Variants in FRYL observed in about 807,000 individuals in gnomAD.
The protein encoded by FRYL is FRY like transcription coactivator, also known as protein furry homolog-like.
In FRYL, 150 loss-of-function variants were observed where a neutral mutation model predicts 351.2. The ratio of observed to expected loss-of-function variants is 0.43; its 90% CI spans 0.37 to 0.49. The LOEUF (loss-of-function observed/expected upper bound fraction) is 0.49, where lower values mean the gene tolerates loss of function less well. Among genes scored for constraint, FRYL ranks in the 20% least tolerant of loss-of-function variants. The probability of loss-of-function intolerance (pLI) is 0.00; values close to 1 mark genes in which losing one functional copy is unlikely to be tolerated. For missense variants in FRYL, 3,036 were observed against 3,619.3 expected (o/e 0.84, Z 4.13); for synonymous variants, 1,153 against 1,257.1 (o/e 0.92, Z 1.75).
At chr4:48,586,597 T>A in intron 19 of FRYL, 24 bp downstream of exon 19, 1 of 1,459,082 alleles carries the variant, frequency 6.9e-7, no homozygotes, top group Non-Finnish European at 9.6e-7. Flanking sequence ...TAAAACAATA[T>A]AGCAAACAGT....
chr4:48,551,695 T>TA (rs563048995), intron 36 of FRYL, 117 bp from the exon 37 acceptor site: 49 of 649,906 alleles, frequency 7.5e-5, no homozygotes, highest in Admixed American at 3.0e-4. Flanking sequence ...CAAAGTCATT[T>TA]AAAAAAAGGA....
Position 48,620,680 on chromosome 4 carries a change from T to G in FRYL, c.273A>C (p.Glu91Asp), listed in dbSNP as rs1750486225. The part of the protein sequence containing the change: ...WYRRQNGTED[E>D]SYEYRPRSST... ...TAGACCGAGGCCTATATTCATAAGA[T>G]TCATCTTCCGTTCCATTTTGGCGTC... The change falls in exon 6 of 64, where the codon GAA becomes GAC. Residue 91 changes from glutamate (E) to aspartate (D), a missense_variant. Physicochemically the swap from Glu to Asp is conservative, Grantham distance 45. Coordinates refer to ENST00000358350, the MANE Select transcript of FRYL (RefSeq NM_015030.2). 6.2e-7 allele frequency: 1 copy of G among 1,613,960 alleles called. No homozygotes were observed. Among genetic ancestry groups the G allele is most frequent in the East Asian group, 2.2e-5 (1 of 44,880 alleles).
At chr4:48,744,358 G>C (rs1772436329) in intron 1 of FRYL, among the ~76,000 whole-genome samples, 1 of 151,788 alleles carries the variant, frequency 6.6e-6, no homozygotes, top group Non-Finnish European at 1.5e-5. Flanking sequence ...GAGAGAGGAA[G>C]AAAAGAAGGA....
chr4:48,598,457 GCAA>G (rs924362081), intron 13 of FRYL, among the ~76,000 whole-genome samples: 10 of 151,928 alleles, frequency 6.6e-5, no homozygotes, highest in African/African-American at 1.7e-4. Flanking sequence ...AAAAATAACA[GCAA>G]CAACAACAAC....
At chr4:48,535,878 T>C in intron 47 of FRYL, 51 bp from the exon 48 acceptor site, 1 of 1,308,522 alleles carries the variant, frequency 7.6e-7, no homozygotes, top group Non-Finnish European at 1.0e-6. Flanking sequence ...GACACAAGTT[T>C]AACTTGATTT....
In FRYL at chr4:48,531,200, C is replaced by T. The variant is rs749862210; in HGVS notation, c.6859G>A (p.Glu2287Lys). 6.2e-7 allele frequency: 1 copy of T among 1,612,026 alleles called. No homozygotes were observed. The highest frequency in any genetic ancestry group is 1.3e-5 in the African/African-American group (1 of 74,850). ...FTKIFNNVSK[E>K]LPGKTLDFHF... ...AAATCTAAGGTCTTCCCAGGCAACT[C>T]CTTAGAAACATTATTAAAAATTTTA... Residue 2287 changes from glutamate to lysine, a missense_variant, in exon 50 of 64, where the codon GAG becomes AAG. Coordinates refer to ENST00000358350, the MANE Select transcript of FRYL (RefSeq NM_015030.2).
At chr4:48,765,775 G>A (rs1387433232) in intron 1 of FRYL, among the ~76,000 whole-genome samples, 3 of 151,946 alleles carry the variant, frequency 2.0e-5, no homozygotes. Flanking sequence ...GAATATATAA[G>A]GAATTCATAC....
intron 23 of FRYL, 105 bp from the exon 24 acceptor site, chr4:48,576,327 A>T: frequency 1.2e-6 from 1 of 867,036 alleles, no homozygotes; most frequent in Non-Finnish European, 1.7e-6. Context: ...TTTGAGACAG[A>T]GTGTCACTCT....
intron 55 of FRYL, among the ~76,000 whole-genome samples, chr4:48,516,224 T>C (rs1723561464): frequency 1.3e-5 from 2 of 152,188 alleles, no homozygotes; most frequent in South Asian, 2.1e-4. Context: ...TTCTCCTCAT[T>C]TGAAGTAAAC....
intron 2 of FRYL, among the ~76,000 whole-genome samples, chr4:48,703,581 A>C (rs1456833238): frequency 6.6e-6 from 1 of 152,180 alleles, no homozygotes; most frequent in Non-Finnish European, 1.5e-5. Context: ...CTATGTCTGG[A>C]AGCTGCCACA....
At chr4:48,735,023 G>A (rs1187557821) in intron 1 of FRYL, among the ~76,000 whole-genome samples, 2 of 145,422 alleles carry the variant, frequency 1.4e-5, no homozygotes, top group African/African-American at 5.1e-5. Context: ...TACCATCAGA[G>A]TGAACAGGCA....
intron 2 of FRYL, among the ~76,000 whole-genome samples, chr4:48,695,567 T>C (rs1766080201): frequency 6.6e-6 from 1 of 152,118 alleles, no homozygotes; most frequent in Non-Finnish European, 1.5e-5. Flanking sequence ...AATACTATTC[T>C]TGTTACTTTG....
Position 48,539,982 on chromosome 4 carries a change from G to A in FRYL, c.6382C>T (p.Arg2128Ter). Residue 2128 changes from arginine (R) to a stop codon, truncating the protein, a stop_gained, in exon 47 of 64, where the codon CGA (arginine) becomes TGA (stop). Transcript: ENST00000358350. LOFTEE classifies it high-confidence loss of function. ...TAACATTTGCTTACCTTTGCTATTC[G>A]ACTAGCTGTTTCTTTGCAAAACTGA... The part of the protein sequence containing the change: ...PTQFCKETAS[R>*]IAKVCAEEKC... The A allele has an allele frequency of 2.5e-6, 4 of 1,609,452 alleles. No individual in the cohort carries two copies. Among genetic ancestry groups the A allele is most frequent in the Non-Finnish European group, 3.4e-6 (4 of 1,176,470 alleles).
chr4:48,671,862 A>AAAAAAC (rs1762771289), intron 3 of FRYL, among the ~76,000 whole-genome samples: 1 of 117,306 alleles, frequency 8.5e-6, no homozygotes, highest in Non-Finnish European at 1.8e-5. Flanking sequence ...CAAAAACAAA[A>AAAAAAC]AAAAAAAAAA....
chr4:48,501,117 A>C (rs1041016477), intron 62 of FRYL, among the ~76,000 whole-genome samples: 3 of 151,154 alleles, frequency 2.0e-5, no homozygotes, highest in African/African-American at 7.3e-5. Context: ...AAGCTATAGA[A>C]ATACGAACAA....
At position 48,683,164 on chromosome 4, in the gene FRYL, C is replaced by G. The variant is rs867577626; in HGVS notation, c.-81+1509G>C. ...AACCATCATTCTCAGCAAACTAACA[C>G]AAGAACAGAAAACCAAACACCACAT... On this transcript the variant is annotated intron_variant, in intron 3 of 63. Transcript: ENST00000358350. Among the ~76,000 whole-genome samples, 11 of 151,226 alleles carry G rather than the reference C, an allele frequency of 7.3e-5. No individual in the cohort carries two copies. In the South Asian group the frequency reaches 1.7e-3, roughly 23 times the overall value.
chr4:48,558,823 C>G (rs981197073), intron 33 of FRYL, among the ~76,000 whole-genome samples: 3 of 152,174 alleles, frequency 2.0e-5, no homozygotes, highest in Non-Finnish European at 4.4e-5. Flanking sequence ...GGCCAAGATT[C>G]AAACCACAAG....
rs570686469 is a variant in FRYL at position 48,567,295 on chromosome 4, C to T, written c.3122G>A (p.Arg1041Gln). The T allele has an allele frequency of 9.3e-6, 15 of 1,612,290 alleles. No individual in the cohort carries two copies. The highest frequency in any genetic ancestry group is 6.7e-5 in the East Asian group (3 of 44,744). ...CGCCACTAAGGCACTAAAATGGCATCGTATATCCTTCAGTGTGTCAGAGTC... is the reference window on the plus strand; with the variant it reads ...CGCCACTAAGGCACTAAAATGGCATTGTATATCCTTCAGTGTGTCAGAGTC... ...EKDSDTLKDIRCHFSALVANI... is the reference protein window; with the variant it reads ...EKDSDTLKDIQCHFSALVANI... The change falls in exon 28 of 64, where the codon CGA becomes CAA. Residue 1041 changes from arginine (R) to glutamine (Q), a missense_variant. Arg to Gln is a conservative substitution (Grantham distance 43). Around this residue, in one of 7 missense-constraint regions of FRYL, gnomAD observed 492 missense variants for 551.5 expected, o/e 0.89. Transcript: ENST00000358350. The surrounding 1 kb of genome is among the most constrained non-coding windows in gnomAD (Gnocchi z 4.2).
At position 48,706,712 on chromosome 4, in the gene FRYL, G is replaced by C. The variant is rs192131686; in HGVS notation, c.-204+3807C>G. Among the ~76,000 whole-genome samples the C allele has an allele frequency of 8.5e-5, 13 of 152,214 alleles. No individual in the cohort carries two copies. In the East Asian group the frequency reaches 2.5e-3, roughly 29 times the overall value. On this transcript the variant is annotated intron_variant, in intron 2 of 63. Transcript: ENST00000358350. ...CAAGTGTGATGGGCTCCCACTCTAAGAATAAGTTACAGAAAGAGCTTGGTT... is the reference window on the plus strand; with the variant it reads ...CAAGTGTGATGGGCTCCCACTCTAACAATAAGTTACAGAAAGAGCTTGGTT...
Sources: gnomAD v4.1 joint callset for allele counts (sites outside exome capture counted in the v4.1 genomes callset) on GRCh38, gnomAD v4.1.1 for gene constraint, gnomAD v4.1.1 regional missense constraint, Gnocchi (gnomAD v3.1) non-coding constraint, MANE v1.5 for transcripts, NCBI Gene and HGNC (gene_info 2026-07-23, HGNC 2026-07-21) for gene names.